The following CACNA2D3 variants were observed in gnomAD, a reference collection of about 807,000 sequenced individuals.
CACNA2D3 encodes the protein calcium voltage-gated channel auxiliary subunit alpha2delta 3.
In CACNA2D3, 60 loss-of-function variants were observed where a neutral mutation model predicts 160.6. That is an observed-to-expected ratio of 0.37 (90% CI 0.30 to 0.46). The LOEUF (loss-of-function observed/expected upper bound fraction) is 0.46, where lower values mean the gene tolerates loss of function less well. CACNA2D3 is among the 20% of genes least tolerant of loss of function. The pLI, the probability that CACNA2D3 is intolerant of heterozygous loss-of-function variation, is 1.00. For missense variants in CACNA2D3, 1,205 were observed against 1,365.0 expected (o/e 0.88, Z 1.85); for synonymous variants, 558 against 492.9 (o/e 1.13, Z -1.75).
intron 11 of CACNA2D3, among the ~76,000 whole-genome samples, chr3:54,660,757 C>T (rs1699954093): frequency 6.6e-6 from 1 of 152,154 alleles, no homozygotes; most frequent in Non-Finnish European, 1.5e-5. Flanking sequence ...GGCCCTGGCT[C>T]CTCTCAGACC....
chr3:54,424,104 G>A (rs1239777063), intron 4 of CACNA2D3, among the ~76,000 whole-genome samples: 2 of 152,082 alleles, frequency 1.3e-5, no homozygotes, highest in Non-Finnish European at 2.9e-5. Context: ...GTCTGTGTGT[G>A]TGTGTGTTTG....
At chr3:54,642,918 T>TC (rs1372425144) in intron 11 of CACNA2D3, among the ~76,000 whole-genome samples, 4 of 152,230 alleles carry the variant, frequency 2.6e-5, no homozygotes, top group Admixed American at 1.3e-4. Context: ...ACCCCACCCC[T>TC]CCAGCAGCAA....
chr3:54,589,075 TAAAG>T (rs1422946220), intron 9 of CACNA2D3, among the ~76,000 whole-genome samples: 5 of 151,972 alleles, frequency 3.3e-5, no homozygotes, highest in South Asian at 4.2e-4. Context: ...AAGATGATCT[TAAAG>T]AAGAATGAAG....
intron 9 of CACNA2D3, among the ~76,000 whole-genome samples, chr3:54,603,804 T>C (rs567953972): frequency 9.8e-5 from 15 of 152,320 alleles, no homozygotes; most frequent in African/African-American, 2.9e-4. Flanking sequence ...ATGTAGTTCA[T>C]TGTGACAAAG....
Position 54,968,489 on chromosome 3 carries a change from A to G in CACNA2D3, c.2489A>G (p.Lys830Arg). ...IQMKLEFFQRKFWTASRQCAS... is the reference protein window; with the variant it reads ...IQMKLEFFQRRFWTASRQCAS... Reference sequence around the variant, plus strand: ...ATGAAACTTGAATTTTTCCAAAGGAAGTTCTGGACTGCCAGCAGACAGGTA... The same window carrying G: ...ATGAAACTTGAATTTTTCCAAAGGAGGTTCTGGACTGCCAGCAGACAGGTA... The change falls in exon 28 of 38, where the codon AAG (lysine) becomes AGG (arginine). Residue 830 changes from lysine (K) to arginine (R), a missense_variant. Transcript: ENST00000474759. 6.2e-7 allele frequency: 1 copy of G among 1,610,622 alleles called. No individual in the cohort carries two copies. Among genetic ancestry groups the G allele is most frequent in the Non-Finnish European group, 8.5e-7 (1 of 1,178,232 alleles).
intron 11 of CACNA2D3, among the ~76,000 whole-genome samples, chr3:54,739,633 C>G (rs1201118189): frequency 6.6e-6 from 1 of 151,914 alleles, no homozygotes; most frequent in African/African-American, 2.4e-5. Context: ...TCCTTATCAA[C>G]TGGAGCTGGG....
At chr3:54,848,562 A>C (rs575096405) in intron 17 of CACNA2D3, among the ~76,000 whole-genome samples, 1 of 152,256 alleles carries the variant, frequency 6.6e-6, no homozygotes, top group Non-Finnish European at 1.5e-5. Context: ...CCCTGAGGCC[A>C]TCAGATACTT....
At chr3:54,169,036 A>G (rs1356726514) in intron 2 of CACNA2D3, among the ~76,000 whole-genome samples, 1 of 152,220 alleles carries the variant, frequency 6.6e-6, no homozygotes, top group African/African-American at 2.4e-5. Context: ...GACACTGAGA[A>G]TATGAAACAT....
chr3:54,751,194 A>G (rs1701850824), intron 11 of CACNA2D3, among the ~76,000 whole-genome samples: 1 of 152,164 alleles, frequency 6.6e-6, no homozygotes, highest in African/African-American at 2.4e-5. Context: ...GAGAAGAGCC[A>G]GAGGACTGGA....
chr3:54,838,787 C>T (rs1188667129), intron 16 of CACNA2D3, 139 bp downstream of exon 16: 6 of 663,918 alleles, frequency 9.0e-6, no homozygotes, highest in Non-Finnish European at 1.3e-5. Context: ...TGTCTTTATA[C>T]CATCTGCACA....
chr3:54,516,736 A>G (rs2106976197), intron 5 of CACNA2D3, among the ~76,000 whole-genome samples: 1 of 152,298 alleles, frequency 6.6e-6, no homozygotes, highest in East Asian at 1.9e-4. Flanking sequence ...ACTTTATTCA[A>G]GTCCCAGGCT....
At chr3:54,207,560 A>G (rs1317300711) in intron 2 of CACNA2D3, among the ~76,000 whole-genome samples, 1 of 152,192 alleles carries the variant, frequency 6.6e-6, no homozygotes, top group Non-Finnish European at 1.5e-5. Flanking sequence ...ACCCACTGCT[A>G]ACCTTCCTGG....
chr3:55,006,740 C>G (rs895698890), intron 32 of CACNA2D3, among the ~76,000 whole-genome samples: 1 of 152,088 alleles, frequency 6.6e-6, no homozygotes, highest in Non-Finnish European at 1.5e-5. Flanking sequence ...ACTTTCTGGC[C>G]GGACTGGGAA....
chr3:54,789,803 G>A, intron 13 of CACNA2D3: 1 of 506,050 alleles, frequency 2.0e-6, no homozygotes. Context: ...GGCCAGTTTG[G>A]CTCACATCTA....
chr3:54,535,574 G>A (rs1456877768), intron 5 of CACNA2D3, among the ~76,000 whole-genome samples: 7 of 152,142 alleles, frequency 4.6e-5, no homozygotes, highest in Admixed American at 4.6e-4. Flanking sequence ...TTTGTTTTAT[G>A]TGGATGTTAA....
chr3:54,674,213 A>C (rs181746653), intron 11 of CACNA2D3, among the ~76,000 whole-genome samples: 139 of 152,320 alleles, frequency 9.1e-4, no homozygotes, highest in African/African-American at 2.9e-3. Context: ...TTGGAACATA[A>C]ATGTGGTCCC....
Position 54,736,016 on chromosome 3 carries a change from TAC to T in CACNA2D3, c.1168-16579_1168-16578del, listed in dbSNP as rs1283143287. 1.8e-4 allele frequency among the ~76,000 whole-genome samples: 16 copies of T among 86,658 alleles called. 1 individual carries two copies. The highest frequency in any genetic ancestry group is 3.8e-4 in the Admixed American group (3 of 7,854). The allele number at this position is 86,658 out of a possible 152,430, so 56.9% of individuals were successfully genotyped here. A position where few individuals can be genotyped will look rare whatever the true frequency, so the allele number is the denominator to read the frequency against. ...ATACATATATATATATGTATATATA[TAC>T]ACATACATATATATATGTATATATA... On this transcript the variant is annotated intron_variant, in intron 11 of 37. Transcript: ENST00000474759.
intron 3 of CACNA2D3, among the ~76,000 whole-genome samples, chr3:54,378,415 C>T (rs1699045284): frequency 6.6e-6 from 1 of 152,178 alleles, no homozygotes; most frequent in African/African-American, 2.4e-5. Flanking sequence ...GCCCTCCACT[C>T]ACCTCCTGCT....
intron 9 of CACNA2D3, among the ~76,000 whole-genome samples, chr3:54,597,249 C>T (rs1236423766): frequency 2.6e-5 from 4 of 152,176 alleles, no homozygotes; most frequent in African/African-American, 9.6e-5. Context: ...CCACTGTGGG[C>T]ACCCCACACC....
Sources: gnomAD v4.1 joint callset for allele counts (sites outside exome capture counted in the v4.1 genomes callset) on GRCh38, gnomAD v4.1.1 for gene constraint, MANE v1.5 for transcripts, NCBI Gene and HGNC (gene_info 2026-07-23, HGNC 2026-07-21) for gene names.